Variants in CDKN2B-AS1 observed in about 807,000 individuals in gnomAD.
CDKN2B-AS1 encodes the protein CDKN2B and CDKN2A antisense cis and trans regulatory RNA 1.
chr9:22,050,568 A>C (rs1823302398), intron 3 of CDKN2B-AS1, among the ~76,000 whole-genome samples: 1 of 152,198 alleles, frequency 6.6e-6, no homozygotes, highest in Admixed American at 6.6e-5. Flanking sequence ...AGCCACTTTC[A>C]AACGGTGGGG....
intron 1 of CDKN2B-AS1, chr9:22,009,417 G>C (rs36229156): frequency 8.4e-4 from 253 of 299,576 alleles, no homozygotes; most frequent in Middle Eastern, 2.0e-3. Flanking sequence ...GGCCAGGCCC[G>C]GGCCGACGCG....
At chr9:22,025,491 T>C (rs982255725) in intron 1 of CDKN2B-AS1, among the ~76,000 whole-genome samples, 7 of 151,876 alleles carry the variant, frequency 4.6e-5, no homozygotes, top group Non-Finnish European at 8.8e-5. Flanking sequence ...TCTGGTGGGG[T>C]GTGGCTAGAG....
intron 4 of CDKN2B-AS1, chr9:22,118,531 A>C (rs907486199): frequency 2.8e-4 from 43 of 152,108 alleles, no homozygotes; most frequent in African/African-American, 9.7e-4. Context: ...CTTTATGGAG[A>C]GAGAAGAACC....
intron 4 of CDKN2B-AS1, chr9:22,113,759 G>A (rs1052173826): frequency 1.3e-5 from 2 of 151,638 alleles, no homozygotes; most frequent in Non-Finnish European, 2.9e-5. Context: ...TTGGGGATAC[G>A]AAGCTCTACA....
At chr9:22,117,233 A>T (rs1181602116) in intron 4 of CDKN2B-AS1, among the ~76,000 whole-genome samples, 1 of 152,238 alleles carries the variant, frequency 6.6e-6, no homozygotes, top group Admixed American at 6.5e-5. Context: ...ATATGCTATG[A>T]AATTTTGTTT....
At chr9:22,018,495 A>G (rs560326333) in intron 1 of CDKN2B-AS1, among the ~76,000 whole-genome samples, 62 of 152,064 alleles carry the variant, frequency 4.1e-4, no homozygotes, top group Middle Eastern at 6.8e-3. Flanking sequence ...CGTCTCTACT[A>G]AAAATACAAA....
intron 4 of CDKN2B-AS1, among the ~76,000 whole-genome samples, chr9:22,122,654 T>TCCTTTA (rs1353672887): frequency 6.6e-6 from 1 of 152,176 alleles, no homozygotes; most frequent in Non-Finnish European, 1.5e-5. Context: ...GAGGAGACTG[T>TCCTTTA]CCTTTACCCA....
At chr9:22,100,703 A>G (rs1825454131) in intron 4 of CDKN2B-AS1, among the ~76,000 whole-genome samples, 1 of 152,172 alleles carries the variant, frequency 6.6e-6, no homozygotes, top group Non-Finnish European at 1.5e-5. Flanking sequence ...TGTATGGAAA[A>G]TTAATGTTTG....
chr9:22,055,110 C>A (rs1323101832), intron 3 of CDKN2B-AS1, among the ~76,000 whole-genome samples: 1 of 152,124 alleles, frequency 6.6e-6, no homozygotes, highest in African/African-American at 2.4e-5. Flanking sequence ...GCCTCTGCCA[C>A]TTTATTTTTT....
At chr9:22,053,484 A>G (rs1054087426) in intron 3 of CDKN2B-AS1, among the ~76,000 whole-genome samples, 1 of 152,188 alleles carries the variant, frequency 6.6e-6, no homozygotes, top group Non-Finnish European at 1.5e-5. Context: ...GATAATTCCC[A>G]GTGATCATTA....
At position 22,005,753 on chromosome 9, in the gene CDKN2B-AS1, T is replaced by G; in HGVS notation, n.29+10592T>G. The stretch of plus-strand genomic sequence containing the variant: ...ACACACTCCTAAATATCCCTGGAAA[T>G]CCGCTTCTCTGTGTTTCGCTTCATG... On this transcript the variant is annotated intron_variant and non_coding_transcript_variant, in intron 1 of 4. Coordinates refer to ENST00000650946, the Ensembl canonical transcript of CDKN2B-AS1. This position sits in a 1 kb window ranked among gnomAD's most constrained non-coding sequence, Gnocchi z 4.9. 1.6e-6 allele frequency: 1 copy of G among 610,962 alleles called. No individual in the cohort carries two copies. Among genetic ancestry groups the G allele is most frequent in the African/African-American group, 1.8e-5 (1 of 54,182 alleles). 37.8% of individuals were successfully genotyped at this position (610,962 alleles called of 1,614,324 possible).
At chr9:22,073,626 T>A (rs1824382233) in intron 4 of CDKN2B-AS1, among the ~76,000 whole-genome samples, 2 of 152,190 alleles carry the variant, frequency 1.3e-5, no homozygotes, top group South Asian at 2.1e-4. Context: ...TTATTTGATA[T>A]GAAGAAACTG....
At chr9:22,007,983 T>C (rs543007560) in intron 1 of CDKN2B-AS1, among the ~76,000 whole-genome samples, 108 of 152,268 alleles carry the variant, frequency 7.1e-4, no homozygotes, top group Non-Finnish European at 1.2e-3. Flanking sequence ...AGGTGAGTAC[T>C]GAATATGACC....
rs1820911858 is a variant in CDKN2B-AS1, at chr9:22,001,371, C to T, written n.29+6210C>T. Among the ~76,000 whole-genome samples the T allele has an allele frequency of 6.6e-6, 1 of 152,024 alleles. No homozygotes were observed. The highest frequency in any genetic ancestry group is 1.5e-5 in the Non-Finnish European group (1 of 67,970). ...AAGTGGATTAATAGGTGTTTGGGGT[C>T]CTTTGTAAACTTCTAGTGTAATGTG... On this transcript the variant is annotated intron_variant and non_coding_transcript_variant, in intron 1 of 4. Coordinates refer to ENST00000650946, the Ensembl canonical transcript of CDKN2B-AS1. The surrounding 1 kb of genome is among the most constrained non-coding windows in gnomAD (Gnocchi z 4.2).
At chr9:22,070,529 A>G (rs1824246069) in intron 4 of CDKN2B-AS1, among the ~76,000 whole-genome samples, 1 of 152,288 alleles carries the variant, frequency 6.6e-6, no homozygotes, top group African/African-American at 2.4e-5. Flanking sequence ...TCCCAGGGAA[A>G]GTGATGCTTG....
rs116167873 is a variant in CDKN2B-AS1 at position 22,077,678 on chromosome 9, G to A, written n.438+21291G>A. On this transcript the variant is annotated intron_variant and non_coding_transcript_variant, in intron 4 of 4. Coordinates refer to ENST00000650946, the Ensembl canonical transcript of CDKN2B-AS1. ...GTCACATTTAGCTCCTTTTCTTCCA[G>A]GATGATTACGGAGCTAGGAATTTCC... 590 of 152,278 alleles carry A rather than the reference G, an allele frequency of 3.9e-3. 4 individuals are homozygous for A. The highest frequency in any genetic ancestry group is 0.012 in the African/African-American group (515 of 41,556). 9.4% of individuals were successfully genotyped at this position (152,278 alleles called of 1,614,324 possible).
chr9:22,008,685 C>G lies in CDKN2B-AS1; in HGVS notation n.29+13524C>G, dbSNP rs1337977360. On this transcript the variant is annotated intron_variant and non_coding_transcript_variant, in intron 1 of 4. Coordinates refer to ENST00000650946, the Ensembl canonical transcript of CDKN2B-AS1. ...GCGTGGAATGCACACCTCCGGCCAACGGAGACTCCTGTACAAATCTACATC... is the reference window on the plus strand; with the variant it reads ...GCGTGGAATGCACACCTCCGGCCAAGGGAGACTCCTGTACAAATCTACATC... 3 of 1,609,868 alleles carry G rather than the reference C, an allele frequency of 1.9e-6. No homozygotes were observed. In the Admixed American group the frequency reaches 5.0e-5, roughly 27 times the overall value.
chr9:22,006,010 G>A lies in CDKN2B-AS1; in HGVS notation n.29+10849G>A, dbSNP rs1306968334. On this transcript the variant is annotated intron_variant and non_coding_transcript_variant, in intron 1 of 4. Coordinates refer to ENST00000650946, the Ensembl canonical transcript of CDKN2B-AS1. The surrounding 1 kb of genome is among the most constrained non-coding windows in gnomAD (Gnocchi z 6.4). ...CGTCAGTCCCCCGTGGCTGTGCGCA[G>A]GTACCCTGCAACGTCGCGGTGGCCC... The A allele has an allele frequency of 6.2e-7, 1 of 1,603,278 alleles. No homozygotes were observed. Among genetic ancestry groups the A allele is most frequent in the African/African-American group, 1.3e-5 (1 of 74,948 alleles).
chr9:22,085,861 T>C (rs1383060766), intron 4 of CDKN2B-AS1, among the ~76,000 whole-genome samples: 1 of 152,000 alleles, frequency 6.6e-6, no homozygotes, highest in Non-Finnish European at 1.5e-5. Flanking sequence ...ATTTGTTGCC[T>C]GGATTAGGTT....
Sources: gnomAD v4.1 joint callset for allele counts (sites outside exome capture counted in the v4.1 genomes callset) on GRCh38, gnomAD v4.1.1 for gene constraint, Gnocchi (gnomAD v3.1) non-coding constraint, MANE v1.5 for transcripts, NCBI Gene and HGNC (gene_info 2026-07-23, HGNC 2026-07-21) for gene names.